RP1: variants seen among roughly 807,000 people sequenced by gnomAD.
RP1 encodes the protein oxygen-regulated protein 1.
Under a neutral mutation model 14.8 loss-of-function variants are expected in RP1, and 16 were observed. That is an observed-to-expected ratio of 1.08 (90% CI 0.73 to 1.65). The LOEUF is 1.65. Among genes scored for constraint, RP1 ranks in the 40% most tolerant of loss-of-function variants. The pLI is 0.00. For synonymous variants in RP1, 876 were observed against 883.6 expected, an observed-to-expected ratio of 0.99 and a Z score of 0.15; for missense variants, 2,631 against 2,535.0, an observed-to-expected ratio of 1.04 and a Z score of -0.81.
chr8:54,866,416 G>A (rs746854489), intron 28 of RP1, among the ~76,000 whole-genome samples: 3 of 152,180 alleles, frequency 2.0e-5, no homozygotes, highest in Non-Finnish European at 2.9e-5. Context: ...TAAGTGGCAA[G>A]GGTAACTGTA....
At chr8:54,861,482 C>T (rs1812340615) in intron 27 of RP1, among the ~76,000 whole-genome samples, 1 of 152,220 alleles carries the variant, frequency 6.6e-6, no homozygotes, top group South Asian at 2.1e-4. Context: ...ATTTTCACCA[C>T]TGTGTAATAT....
At chr8:54,860,813 T>C (rs987683942) in intron 27 of RP1, among the ~76,000 whole-genome samples, 3 of 152,180 alleles carry the variant, frequency 2.0e-5, no homozygotes, top group African/African-American at 7.2e-5. Context: ...ATGATAAATA[T>C]TTGAAAGTAA....
chr8:54,689,065 T>A (rs1464932392), intron 12 of RP1, among the ~76,000 whole-genome samples: 1 of 152,214 alleles, frequency 6.6e-6, no homozygotes, highest in Non-Finnish European at 1.5e-5. Context: ...TTTTATTCTC[T>A]TTGTAGCAAT....
At chr8:54,566,225 C>A (rs1804402891) in intron 1 of RP1, among the ~76,000 whole-genome samples, 2 of 152,136 alleles carry the variant, frequency 1.3e-5, no homozygotes, top group Non-Finnish European at 2.9e-5. Flanking sequence ...CACAGTTCAA[C>A]CCTTAACATC....
chr8:54,649,585 A>C (rs1238676716), intron 4 of RP1, among the ~76,000 whole-genome samples: 2 of 152,250 alleles, frequency 1.3e-5, no homozygotes, highest in African/African-American at 4.8e-5. Context: ...AGAGGGAAAC[A>C]GAGGTAACAA....
At chr8:54,684,463 C>T (rs568644116) in intron 12 of RP1, among the ~76,000 whole-genome samples, 1 of 152,058 alleles carries the variant, frequency 6.6e-6, no homozygotes, top group Admixed American at 6.6e-5. Context: ...GGTTGGTAGG[C>T]TATTTATTAC....
At position 54,672,901 on chromosome 8, in the gene RP1, C is replaced by T. The variant is rs573612957; in HGVS notation, c.1324-949C>T. Among the ~76,000 whole-genome samples the T allele has an allele frequency of 8.5e-5, 13 of 152,230 alleles. No individual in the cohort carries two copies. The South Asian group carries it at 1.9e-3, about 22-fold the overall frequency. On this transcript the variant is annotated intron_variant, in intron 7 of 22. Transcript: ENST00000636932. ...TCTCTATATTGATTATTATAAATATCATAACTCGTAATTATCTTTTATTGC... is the reference window on the plus strand; with the variant it reads ...TCTCTATATTGATTATTATAAATATTATAACTCGTAATTATCTTTTATTGC...
At chr8:54,836,572 G>A (rs1811661293) in intron 24 of RP1, among the ~76,000 whole-genome samples, 2 of 152,190 alleles carry the variant, frequency 1.3e-5, no homozygotes, top group Non-Finnish European at 2.9e-5. Flanking sequence ...CACATGTCAA[G>A]GAAACAGGGA....
intron 3 of RP1, among the ~76,000 whole-genome samples, chr8:54,643,877 G>A (rs570849305): frequency 9.9e-5 from 15 of 152,124 alleles, no homozygotes; most frequent in African/African-American, 2.6e-4. Flanking sequence ...ACCCATAACA[G>A]TTTGCTTTCT....
exon 26 of RP1, chr8:54,852,697 A>G: frequency 8.1e-7 from 1 of 1,232,092 alleles, no homozygotes; most frequent in Non-Finnish European, 1.0e-6. Flanking sequence ...CATCAGTCCA[A>G]AAACAATGAA....
downstream of RP1, among the ~76,000 whole-genome samples, chr8:54,772,250 C>T (rs1809927368): frequency 6.6e-6 from 1 of 152,004 alleles, no homozygotes; most frequent in Admixed American, 6.6e-5. Flanking sequence ...TTTCAGTATC[C>T]ATTGCTGGAT....
At chr8:54,684,539 C>CG in intron 12 of RP1, among the ~76,000 whole-genome samples, 1 of 151,864 alleles carries the variant, frequency 6.6e-6, no homozygotes, top group East Asian at 1.9e-4. Flanking sequence ...TTCAGTCTTG[C>CG]GGGGGTGTGT....
intron 24 of RP1, among the ~76,000 whole-genome samples, chr8:54,832,094 C>T (rs117904943): frequency 0.012 from 1,858 of 151,800 alleles, 16 homozygotes; most frequent in Non-Finnish European, 0.02. Context: ...CTTTCCTTTT[C>T]ATCAGTTACT....
chr8:54,677,034 G>A (rs547867342), intron 8 of RP1, among the ~76,000 whole-genome samples: 9 of 151,684 alleles, frequency 5.9e-5, no homozygotes, highest in Admixed American at 2.6e-4. Context: ...AGTGTGGTTC[G>A]TAGGCCATTA....
intron 16 of RP1, among the ~76,000 whole-genome samples, chr8:54,725,604 A>T: frequency 6.6e-6 from 1 of 152,214 alleles, no homozygotes; most frequent in East Asian, 1.9e-4. Context: ...CAATTGTGGT[A>T]TTAAGAAGTA....
In RP1 at chr8:54,628,012, ACCC is replaced by A. The variant is rs1403016473; in HGVS notation, c.4131_4133del (p.Pro1378del). 6.2e-7 allele frequency: 1 copy of A among 1,614,022 alleles called. No homozygotes were observed. The highest frequency in any genetic ancestry group is 1.1e-5 in the South Asian group (1 of 91,084). On this transcript the variant is annotated inframe_deletion, in exon 4 of 4. Coordinates refer to ENST00000220676, the MANE Select transcript of RP1 (RefSeq NM_006269.2). ...CAGAAAGATCTAAATATTTTGACAG[ACCC>A]TGAATATAAAAATGGATTTAATACA...
intron 1 of RP1, among the ~76,000 whole-genome samples, chr8:54,576,202 G>A (rs1372911663): frequency 6.6e-6 from 1 of 152,056 alleles, no homozygotes; most frequent in African/African-American, 2.4e-5. Context: ...CACCACGCCC[G>A]GCTAATTTTG....
At chr8:54,762,639 T>C (rs1033394813) in intron 22 of RP1, among the ~76,000 whole-genome samples, 2 of 152,228 alleles carry the variant, frequency 1.3e-5, no homozygotes, top group African/African-American at 2.4e-5. Flanking sequence ...TTTCATTTAG[T>C]ATTTATATTA....
intron 24 of RP1, among the ~76,000 whole-genome samples, chr8:54,796,829 T>TC (rs370163588): frequency 1.7e-3 from 251 of 151,082 alleles, no homozygotes; most frequent in African/African-American, 5.9e-3. Context: ...GAATATAGAA[T>TC]CCAACAGTCA....
Sources: allele counts gnomAD v4.1 joint callset (sites outside exome capture counted in the v4.1 genomes callset), GRCh38; gene constraint gnomAD v4.1.1; transcripts MANE v1.5; gene names NCBI Gene and HGNC (gene_info 2026-07-23, HGNC 2026-07-21).